ALDOA: variants seen among roughly 807,000 people sequenced by gnomAD.
ALDOA encodes the protein fructose-bisphosphate aldolase A.
In ALDOA, 26 loss-of-function variants were observed where a neutral mutation model predicts 43.9. The observed-to-expected ratio is 0.59, with a 90% CI of 0.43 to 0.82. ALDOA has a LOEUF of 0.82. Among genes scored for constraint, ALDOA ranks in the 40% least tolerant of loss-of-function variants. The pLI, the probability that ALDOA is intolerant of heterozygous loss-of-function variation, is 0.00. For synonymous variants in ALDOA, 258 were observed against 222.6 expected (o/e 1.16, Z -1.42); for missense variants, 498 against 549.5 (o/e 0.91, Z 0.94).
rs1333749052 is a variant in ALDOA, at chr16:30,067,622, C to T, written c.447C>T (p.Pro149=). 3.7e-6 allele frequency: 6 copies of T among 1,614,130 alleles called. No individual in the cohort carries two copies. Among genetic ancestry groups the T allele is most frequent in the African/African-American group, 1.3e-5 (1 of 75,018 alleles). ...YQKADDGRPF[P]QVIKSKGGVV... ...AGGCGGATGATGGGCGTCCCTTCCCCCAAGTTATCAAATCCAAGGGCGGTG... is the reference window on the plus strand; with the variant it reads ...AGGCGGATGATGGGCGTCCCTTCCCTCAAGTTATCAAATCCAAGGGCGGTG... The change falls in exon 4 of 10, where the codon CCC becomes CCT. Residue 149 remains proline, a synonymous_variant. Coordinates refer to ENST00000642816, the MANE Select transcript of ALDOA (RefSeq NM_001243177.4).
chr16:30,067,023 G>C lies in ALDOA; in HGVS notation c.126G>C (p.Gln42His), dbSNP rs1231663502. 2 of 1,575,940 alleles carry C rather than the reference G, an allele frequency of 1.3e-6. No individual in the cohort carries two copies. Among genetic ancestry groups the C allele is most frequent in the East Asian group, 4.7e-5 (2 of 42,542 alleles). Reference sequence around the variant, plus strand: ...CTCAGCTGGGCAACACCCAGCACCAGACAGAGTTAGGAAAGGTACAGGGGC... The same window carrying C: ...CTCAGCTGGGCAACACCCAGCACCACACAGAGTTAGGAAAGGTACAGGGGC... ...LHPQLGNTQH[Q>H]TELGKELATT... is the part of the protein sequence containing the mutation. Residue 42 changes from glutamine to histidine, a missense_variant, in exon 2 of 10, where the codon CAG becomes CAC. Transcript: ENST00000642816.
At chr16:30,069,139 G>A (rs2072225099) in intron 6 of ALDOA, 161 bp downstream of exon 6, 4 of 1,351,568 alleles carry the variant, frequency 3.0e-6, no homozygotes, top group East Asian at 2.4e-5. Flanking sequence ...GGGCCAAGGA[G>A]GGATGGTGGG....
chr16:30,069,633 C>T lies in ALDOA; in HGVS notation c.921C>T (p.Thr307=), dbSNP rs148503847. Residue 307 remains threonine (T), a synonymous_variant, in exon 8 of 10, where the codon ACC becomes ACT. Transcript: ENST00000642816. ...KFSHEEIAMA[T]VTALRRTVPP... is the part of the protein sequence containing the mutation. ...CTCATGAGGAGATTGCCATGGCGAC[C>T]GTCACAGCGCTGCGCCGCACAGTGC... 5.7e-5 allele frequency: 92 copies of T among 1,613,850 alleles called. No individual in the cohort carries two copies. In the East Asian group the frequency reaches 6.2e-4, roughly 11 times the overall value.
chr16:30,070,074 C>G (rs2072270814), intron 9 of ALDOA, 43 bp from the exon 10 acceptor site: 1 of 1,613,566 alleles, frequency 6.2e-7, no homozygotes, highest in Admixed American at 1.7e-5. Context: ...GTGGATGGGA[C>G]TCGGAGAAGA....
In ALDOA at chr16:30,067,075, AAGAG is replaced by A. The variant is rs770061959; in HGVS notation, c.141+42_141+45del. On this transcript the variant is annotated intron_variant, in intron 2 of 9. Coordinates refer to ENST00000642816, the MANE Select transcript of ALDOA (RefSeq NM_001243177.4). ...GGCCTAGCAAAGGGAAGTTGGGCGT[AAGAG>A]AGAGCTGGGGACCAGAAGTGCCCCA... The A allele has an allele frequency of 3.8e-6, 6 of 1,572,632 alleles. No individual in the cohort carries two copies. The Admixed American group carries it at 9.3e-5, about 24-fold the overall frequency.
chr16:30,064,322 C>T (rs544466443), upstream of ALDOA: 4 of 397,048 alleles, frequency 1.0e-5, no homozygotes, highest in East Asian at 1.4e-4. Flanking sequence ...CAGCCACCAT[C>T]ACCGCAGGGA....
At chr16:30,067,692 G>A in intron 4 of ALDOA, 31 bp downstream of exon 4, 3 of 1,612,928 alleles carry the variant, frequency 1.9e-6, no homozygotes, top group Non-Finnish European at 2.5e-6. Flanking sequence ...CGTGAGGTTT[G>A]AGATGGAAGT....
intron 4 of ALDOA, chr16:30,067,948 G>A: frequency 2.0e-6 from 1 of 499,402 alleles, no homozygotes; most frequent in Admixed American, 3.3e-5. Context: ...CATTTCTGTT[G>A]TCAAATAACA....
chr16:30,066,864 C>G (rs992170854), intron 1 of ALDOA, 21 bp from the exon 2 acceptor site: 3 of 1,544,800 alleles, frequency 1.9e-6, no homozygotes, highest in Non-Finnish European at 2.6e-6. Context: ...CTAAAATACT[C>G]CGGTTCGGTT....
chr16:30,069,287 C>T lies in ALDOA; in HGVS notation c.703-19C>T. 6.2e-7 allele frequency: 1 copy of T among 1,613,920 alleles called. No homozygotes were observed. Among genetic ancestry groups the T allele is most frequent in the Non-Finnish European group, 8.5e-7 (1 of 1,179,818 alleles). ...CTGGGTTAGGAGGCCTCACAGTGACCCTGTCCCTCGCCCTGCAGAATGGCA... is the reference window on the plus strand; with the variant it reads ...CTGGGTTAGGAGGCCTCACAGTGACTCTGTCCCTCGCCCTGCAGAATGGCA... On this transcript the variant is annotated intron_variant, in intron 6 of 9. Transcript: ENST00000642816.
Position 30,069,982 on chromosome 16 carries a change from A to G in ALDOA, c.1114A>G (p.Lys372Glu), listed in dbSNP as rs769327341. ...TGCCCTGAAGGCCTGGGGCGGGAAGAAGGAGAACCTGAAGGCTGCGCAGGA... is the reference window on the plus strand; with the variant it reads ...TGCCCTGAAGGCCTGGGGCGGGAAGGAGGAGAACCTGAAGGCTGCGCAGGA... Reference protein sequence around the residue: ...ASALKAWGGKKENLKAAQEEY... With the variant: ...ASALKAWGGKEENLKAAQEEY... Residue 372 changes from lysine to glutamate, a missense_variant, in exon 9 of 10, where the codon AAG (lysine) becomes GAG (glutamate). Lys to Glu is a moderately conservative substitution (Grantham distance 56, BLOSUM62 1). Transcript: ENST00000642816. 6.8e-6 allele frequency: 11 copies of G among 1,613,768 alleles called. No homozygotes were observed. Among genetic ancestry groups the G allele is most frequent in the Admixed American group, 6.7e-5 (4 of 60,008 alleles).
rs1463243958 is a variant in ALDOA, at chr16:30,068,920, C to T, written c.644C>T (p.Ala215Val). 4 of 1,614,244 alleles carry T rather than the reference C, an allele frequency of 2.5e-6. No individual in the cohort carries two copies. Among genetic ancestry groups the T allele is most frequent in the Admixed American group, 3.3e-5 (2 of 60,032 alleles). The part of the protein sequence containing the change: ...VLKIGEHTPS[A>V]LAIMENANVL... The stretch of plus-strand genomic sequence containing the variant: ...AAGATTGGGGAACACACCCCCTCAG[C>T]CCTCGCCATCATGGAAAATGCCAAT... The change falls in exon 6 of 10, where the codon GCC (alanine) becomes GTC (valine). Residue 215 changes from alanine to valine, a missense_variant. Ala to Val is a moderately conservative substitution (Grantham distance 64). Coordinates refer to ENST00000642816, the MANE Select transcript of ALDOA (RefSeq NM_001243177.4).
intron 2 of ALDOA, 81 bp from the exon 3 acceptor site, chr16:30,067,153 T>A (rs766640275): frequency 6.7e-5 from 107 of 1,598,084 alleles, no homozygotes; most frequent in Non-Finnish European, 8.7e-5. Context: ...TTCCCTGACC[T>A]CCAGGAGAGG....
At chr16:30,064,305 A>C, upstream of ALDOA, 1 of 395,510 alleles carries the variant, frequency 2.5e-6, no homozygotes, top group Non-Finnish European at 4.5e-6. Context: ...GCTCCAGAGA[A>C]TCAGAACAGC....
Position 30,066,985 on chromosome 16 carries a change from G to A in ALDOA, c.88G>A (p.Gly30Arg). 1 of 1,559,058 alleles carries A rather than the reference G, an allele frequency of 6.4e-7. No homozygotes were observed. Among genetic ancestry groups the A allele is most frequent in the Non-Finnish European group, 8.7e-7 (1 of 1,152,200 alleles). The part of the protein sequence containing the change: ...MAFSFPPVAS[G>R]QLHPQLGNTQ... ...CTTTTCCTTTCCCCCAGTTGCCAGT[G>A]GGCAACTCCACCCTCAGCTGGGCAA... is the stretch of plus-strand genomic sequence containing the variant. Residue 30 changes from glycine to arginine, a missense_variant, in exon 2 of 10, where the codon GGG becomes AGG. Transcript: ENST00000642816.
upstream of ALDOA, chr16:30,064,417 C>T (rs1277270504): frequency 3.5e-5 from 14 of 398,622 alleles, no homozygotes; most frequent in Non-Finnish European, 5.7e-5. Flanking sequence ...CCCTTTCCTT[C>T]CCACAGGTCC....
rs147193284 is a variant in ALDOA at position 30,069,831 on chromosome 16, G to A, written c.963G>A (p.Gly321=). The change falls in exon 9 of 10, where the codon GGG becomes GGA. Residue 321 remains glycine, a splice_region_variant and synonymous_variant. Coordinates refer to ENST00000642816, the MANE Select transcript of ALDOA (RefSeq NM_001243177.4). Reference sequence around the variant, plus strand: ...TCTCGCCTCACCCCTGCTCTACAGGGATCACCTTCCTGTCTGGAGGCCAGA... The same window carrying A: ...TCTCGCCTCACCCCTGCTCTACAGGAATCACCTTCCTGTCTGGAGGCCAGA... ...LRRTVPPAVT[G]ITFLSGGQSE... is the part of the protein sequence containing the mutation. 5.6e-6 allele frequency: 9 copies of A among 1,614,088 alleles called. No individual in the cohort carries two copies. The African/African-American group carries it at 9.3e-5, about 17-fold the overall frequency.
At chr16:30,066,212 A>T (rs1012636210) in intron 1 of ALDOA, 3 of 152,230 alleles carry the variant, frequency 2.0e-5, no homozygotes, top group African/African-American at 7.2e-5. Flanking sequence ...AGGGCCCCTT[A>T]GCCCTGGCGG....
rs182063751 is a variant in ALDOA, at chr16:30,069,535, C to A, written c.823C>A (p.His275Asn). ...TGTCTACAAGGCTCTGAGTGACCACCACATCTACCTGGAAGGCACCTTGCT... is the reference window on the plus strand; with the variant it reads ...TGTCTACAAGGCTCTGAGTGACCACAACATCTACCTGGAAGGCACCTTGCT... The part of the protein sequence containing the change: ...AAVYKALSDH[H>N]IYLEGTLLKP... Residue 275 changes from histidine to asparagine, a missense_variant, in exon 8 of 10, where the codon CAC becomes AAC. Coordinates refer to ENST00000642816, the MANE Select transcript of ALDOA (RefSeq NM_001243177.4). 5.6e-6 allele frequency: 9 copies of A among 1,614,144 alleles called. No homozygotes were observed. In the East Asian group the frequency reaches 2.0e-4, roughly 36 times the overall value.
Sources: allele counts gnomAD v4.1 joint callset, GRCh38; gene constraint gnomAD v4.1.1; transcripts MANE v1.5; gene names NCBI Gene and HGNC (gene_info 2026-07-23, HGNC 2026-07-21).